Variants in SRD5A2 observed in about 807,000 individuals in gnomAD.
SRD5A2 encodes the protein steroid 5 alpha-reductase 2.
Under a neutral mutation model 27.4 loss-of-function variants are expected in SRD5A2, and 30 were observed. The observed-to-expected ratio is 1.10, with a 90% confidence interval of 0.82 to 1.49. The LOEUF is 1.49. Ranked by LOEUF, SRD5A2 falls within the 40% of genes most tolerant of loss-of-function variation. The pLI is 0.00. For missense variants in SRD5A2, 348 were observed against 323.4 expected, an observed-to-expected ratio of 1.08 and a Z score of -0.58; for synonymous variants, 141 against 133.6, an observed-to-expected ratio of 1.06 and a Z score of -0.38.
the SRD5A2 span, among the ~76,000 whole-genome samples, chr2:31,588,769 G>T: frequency 6.6e-6 from 1 of 152,280 alleles, no homozygotes; most frequent in East Asian, 1.9e-4. Context: ...ACTAACTGCA[G>T]TGTGTACACT....
At chr2:31,644,335 C>G in the SRD5A2 span, among the ~76,000 whole-genome samples, 9 of 152,112 alleles carry the variant, frequency 5.9e-5, no homozygotes, top group Non-Finnish European at 1.3e-4. Context: ...ATGCGATGCA[C>G]GATCCAGGAC....
the SRD5A2 span, among the ~76,000 whole-genome samples, chr2:31,658,500 C>G: frequency 6.6e-6 from 1 of 151,056 alleles, no homozygotes; most frequent in African/African-American, 2.4e-5. Context: ...AAAGAAGATC[C>G]AAATAAACAT....
the SRD5A2 span, among the ~76,000 whole-genome samples, chr2:31,640,789 C>G: frequency 0.019 from 2,815 of 152,152 alleles, 56 homozygotes; most frequent in African/African-American, 0.04. Context: ...GTCCTACCTA[C>G]CCGCTTTGTC....
intron 1 of SRD5A2, among the ~76,000 whole-genome samples, chr2:31,542,213 C>T (rs1158653382): frequency 6.6e-6 from 1 of 152,178 alleles, no homozygotes; most frequent in Non-Finnish European, 1.5e-5. Context: ...TATTTTGTAT[C>T]TTAGAAGTGA....
At chr2:31,650,551 T>C in the SRD5A2 span, among the ~76,000 whole-genome samples, 2 of 152,234 alleles carry the variant, frequency 1.3e-5, no homozygotes, top group Non-Finnish European at 2.9e-5. Context: ...CTCATTATTT[T>C]AGTTCCATAA....
intron 1 of SRD5A2, among the ~76,000 whole-genome samples, chr2:31,542,510 A>G (rs745624783): frequency 6.6e-6 from 1 of 152,090 alleles, no homozygotes; most frequent in Non-Finnish European, 1.5e-5. Flanking sequence ...ACCTGTCTCA[A>G]TAAATAAATA....
chr2:31,634,959 A>G, the SRD5A2 span, among the ~76,000 whole-genome samples: 1 of 152,014 alleles, frequency 6.6e-6, no homozygotes, highest in Non-Finnish European at 1.5e-5. Flanking sequence ...TTGAATCTGT[A>G]TTTTGGATAT....
the SRD5A2 span, among the ~76,000 whole-genome samples, chr2:31,624,415 C>A: frequency 6.6e-6 from 1 of 151,894 alleles, no homozygotes; most frequent in Admixed American, 6.6e-5. Context: ...GCACAACATG[C>A]AGATTTGTTA....
the SRD5A2 span, among the ~76,000 whole-genome samples, chr2:31,638,990 T>TC: frequency 6.6e-6 from 1 of 152,050 alleles, no homozygotes; most frequent in Admixed American, 6.6e-5. Context: ...ACATCTCTCT[T>TC]CCCCCCTTCT....
chr2:31,550,290 C>A (rs1469582573), intron 1 of SRD5A2, among the ~76,000 whole-genome samples: 1 of 151,688 alleles, frequency 6.6e-6, no homozygotes, highest in Non-Finnish European at 1.5e-5. Context: ...GGCTTTACTG[C>A]AGAATTCTAC....
At chr2:31,571,060 A>C (rs1040175482) in intron 1 of SRD5A2, among the ~76,000 whole-genome samples, 12 of 152,130 alleles carry the variant, frequency 7.9e-5, no homozygotes, top group Non-Finnish European at 1.8e-4. Flanking sequence ...AGCTGGGATA[A>C]CCAGGCAATC....
chr2:31,586,801 C>A, the SRD5A2 span, among the ~76,000 whole-genome samples: 110,949 of 152,018 alleles, frequency 0.73, 40,943 homozygotes, highest in African/African-American at 0.83. Flanking sequence ...GACAGTGAAG[C>A]CTACAATAAA....
chr2:31,559,218 A>G (rs1286678934), intron 1 of SRD5A2, among the ~76,000 whole-genome samples: 1 of 152,068 alleles, frequency 6.6e-6, no homozygotes, highest in African/African-American at 2.4e-5. Context: ...CTTTGGCTTG[A>G]CCTGCTGCCG....
the SRD5A2 span, among the ~76,000 whole-genome samples, chr2:31,595,806 C>T: frequency 6.6e-6 from 1 of 151,992 alleles, no homozygotes; most frequent in Non-Finnish European, 1.5e-5. Flanking sequence ...AAATCTTCAA[C>T]AAAATACTAG....
intron 3 of SRD5A2, among the ~76,000 whole-genome samples, chr2:31,529,695 G>A (rs1228893304): frequency 6.6e-6 from 1 of 152,114 alleles, no homozygotes; most frequent in Non-Finnish European, 1.5e-5. Flanking sequence ...CTGCTTAACG[G>A]GCTCTATCCA....
At chr2:31,645,488 T>C in the SRD5A2 span, among the ~76,000 whole-genome samples, 10 of 152,352 alleles carry the variant, frequency 6.6e-5, no homozygotes, top group African/African-American at 2.4e-4. Context: ...CATCTATTTG[T>C]TATTTTTCTG....
the SRD5A2 span, among the ~76,000 whole-genome samples, chr2:31,658,152 G>A: frequency 6.6e-6 from 1 of 152,012 alleles, no homozygotes; most frequent in African/African-American, 2.4e-5. Context: ...AATTAAGGCA[G>A]AAATCAAAAA....
chr2:31,556,502 C>G (rs2148084162), intron 1 of SRD5A2, among the ~76,000 whole-genome samples: 1 of 152,162 alleles, frequency 6.6e-6, no homozygotes, highest in South Asian at 2.1e-4. Context: ...TCCACGTGGG[C>G]CCTAGATGCA....
the SRD5A2 span, among the ~76,000 whole-genome samples, chr2:31,608,797 A>G: frequency 6.6e-6 from 1 of 152,044 alleles, no homozygotes; most frequent in Non-Finnish European, 1.5e-5. Flanking sequence ...AAGATATCCC[A>G]TGTCCACGGT....
Sources: allele counts gnomAD v4.1 joint callset (sites outside exome capture counted in the v4.1 genomes callset), GRCh38; gene constraint gnomAD v4.1.1; transcripts MANE v1.5; gene names NCBI Gene and HGNC (gene_info 2026-07-23, HGNC 2026-07-21).